SAMTOR: variants seen among roughly 807,000 people sequenced by gnomAD.
The protein encoded by SAMTOR is S-adenosylmethionine sensor upstream of mTORC1.
the SAMTOR span, among the ~76,000 whole-genome samples, chr7:112,854,133 A>G: frequency 3.3e-5 from 5 of 152,118 alleles, no homozygotes; most frequent in African/African-American, 1.2e-4. Context: ...TCATTTAAGG[A>G]ACAGCAGAAA....
chr7:112,871,761 C>T, the SAMTOR span, among the ~76,000 whole-genome samples: 1 of 152,164 alleles, frequency 6.6e-6, no homozygotes, highest in Non-Finnish European at 1.5e-5. Context: ...ACAAAGACCA[C>T]TAGTTAAACA....
At chr7:112,932,495 T>A in the SAMTOR span, among the ~76,000 whole-genome samples, 176 of 152,328 alleles carry the variant, frequency 1.2e-3, 1 homozygote, top group African/African-American at 4.2e-3. Context: ...TATAAAAAGA[T>A]AAAACTCAAC....
chr7:112,879,965 A>C, the SAMTOR span, among the ~76,000 whole-genome samples: 1 of 152,196 alleles, frequency 6.6e-6, no homozygotes, highest in East Asian at 1.9e-4. Flanking sequence ...CTAAAATAAT[A>C]AGTAAATCTT....
chr7:112,936,048 C>T, the SAMTOR span, among the ~76,000 whole-genome samples: 3 of 152,254 alleles, frequency 2.0e-5, no homozygotes, highest in Non-Finnish European at 2.9e-5. Flanking sequence ...AACTCTTATA[C>T]ATTTAAAATA....
chr7:112,914,825 T>A, the SAMTOR span, among the ~76,000 whole-genome samples: 1 of 152,178 alleles, frequency 6.6e-6, no homozygotes, highest in Non-Finnish European at 1.5e-5. Flanking sequence ...AAAAGGTGAA[T>A]GAAACAGACC....
chr7:112,850,475 G>A, the SAMTOR span, among the ~76,000 whole-genome samples: 1 of 152,088 alleles, frequency 6.6e-6, no homozygotes, highest in African/African-American at 2.4e-5. Flanking sequence ...CAGTAAGATT[G>A]GTACCAGTTC....
the SAMTOR span, among the ~76,000 whole-genome samples, chr7:112,846,831 A>T: frequency 6.6e-6 from 1 of 152,234 alleles, no homozygotes; most frequent in Non-Finnish European, 1.5e-5. Flanking sequence ...GAATATGAGC[A>T]TTCTAGAAAT....
At chr7:112,882,935 G>A in the SAMTOR span, among the ~76,000 whole-genome samples, 3 of 152,006 alleles carry the variant, frequency 2.0e-5, no homozygotes, top group Non-Finnish European at 4.4e-5. Context: ...TCCTAAACCA[G>A]AGAGCATTAA....
chr7:112,876,846 T>C, the SAMTOR span, among the ~76,000 whole-genome samples: 1 of 152,234 alleles, frequency 6.6e-6, no homozygotes, highest in Admixed American at 6.5e-5. Flanking sequence ...TATGTACTTA[T>C]ACGTCTTTGT....
chr7:112,923,140 T>C, the SAMTOR span, among the ~76,000 whole-genome samples: 1 of 152,162 alleles, frequency 6.6e-6, no homozygotes, highest in South Asian at 2.1e-4. Flanking sequence ...CTAAGAAAAA[T>C]TCTTCTGCCT....
the SAMTOR span, among the ~76,000 whole-genome samples, chr7:112,905,111 T>C: frequency 6.6e-6 from 1 of 152,172 alleles, no homozygotes; most frequent in East Asian, 1.9e-4. Context: ...CCCCAAAGCC[T>C]ACTGAAATTA....
chr7:112,852,262 C>T, the SAMTOR span, among the ~76,000 whole-genome samples: 1 of 152,066 alleles, frequency 6.6e-6, no homozygotes, highest in African/African-American at 2.4e-5. Context: ...ACATACACAT[C>T]ATGGAATTCT....
the SAMTOR span, among the ~76,000 whole-genome samples, chr7:112,882,709 C>T: frequency 2.7e-5 from 4 of 148,934 alleles, no homozygotes; most frequent in Non-Finnish European, 5.9e-5. Flanking sequence ...AACGAACCAA[C>T]CAACCAACAA....
At chr7:112,938,781 G>T in the SAMTOR span, among the ~76,000 whole-genome samples, 2 of 152,180 alleles carry the variant, frequency 1.3e-5, no homozygotes, top group Non-Finnish European at 2.9e-5. Flanking sequence ...ACACTCTTCA[G>T]GCACAGGCAA....
the SAMTOR span, among the ~76,000 whole-genome samples, chr7:112,929,554 T>C: frequency 6.6e-6 from 1 of 151,970 alleles, no homozygotes; most frequent in East Asian, 1.9e-4. Flanking sequence ...ATAAAACTAC[T>C]ACATGATTCA....
chr7:112,919,556 A>T, the SAMTOR span, among the ~76,000 whole-genome samples: 7 of 152,342 alleles, frequency 4.6e-5, no homozygotes, highest in East Asian at 1.3e-3. Context: ...AGCTAGAGCA[A>T]ACACATTCAA....
At chr7:112,918,359 T>C in the SAMTOR span, among the ~76,000 whole-genome samples, 71 of 152,038 alleles carry the variant, frequency 4.7e-4, no homozygotes, top group African/African-American at 6.5e-4. Context: ...GCTTCATAAG[T>C]GAAGGAGAAA....
the SAMTOR span, chr7:112,939,560 C>T: frequency 6.2e-7 from 1 of 1,613,752 alleles, no homozygotes; most frequent in Non-Finnish European, 8.5e-7. Context: ...ATGAGGCCTC[C>T]CCTTCCTCCC....
chr7:112,841,361 A>G, the SAMTOR span, among the ~76,000 whole-genome samples: 1 of 152,176 alleles, frequency 6.6e-6, no homozygotes, highest in African/African-American at 2.4e-5. Context: ...ATACCTAGCA[A>G]TACAACTTAC....
Sources: allele counts gnomAD v4.1 joint callset (sites outside exome capture counted in the v4.1 genomes callset), GRCh38; gene constraint gnomAD v4.1.1; transcripts MANE v1.5; gene names NCBI Gene and HGNC (gene_info 2026-07-23, HGNC 2026-07-21).